The following KNDC1 variants were observed in gnomAD, a reference collection of about 807,000 sequenced individuals.
KNDC1 encodes kinase non-catalytic C-lobe domain-containing protein 1.
Under a neutral mutation model 172.8 loss-of-function variants are expected in KNDC1, and 106 were observed. The ratio of observed to expected loss-of-function variants is 0.61; its 90% CI spans 0.52 to 0.72. The LOEUF (loss-of-function observed/expected upper bound fraction) is 0.72, where lower values mean the gene tolerates loss of function less well. Ranked by LOEUF, KNDC1 falls within the 30% of genes least tolerant of loss-of-function variation. The pLI is 0.00. For synonymous variants in KNDC1, 1,083 were observed against 1,062.2 expected (o/e 1.02, Z -0.38); for missense variants, 2,325 against 2,394.5 (o/e 0.97, Z 0.61).
rs563239309 is a variant in KNDC1 at position 133,183,028 on chromosome 10, G to A, written c.361-316G>A. ...GCAAGGGCATGGGTGGCATGGGTGC[G>A]AGCAGCATGGGCGGCGTGGGTACAA... On this transcript the variant is annotated intron_variant, in intron 3 of 29. Transcript: ENST00000304613. Among the ~76,000 whole-genome samples, 5 of 148,438 alleles carry A rather than the reference G, an allele frequency of 3.4e-5. No individual in the cohort carries two copies. The South Asian group carries it at 8.8e-4, about 26-fold the overall frequency.
intron 1 of KNDC1, among the ~76,000 whole-genome samples, chr10:133,161,292 C>T (rs1044140429): frequency 1.6e-4 from 25 of 152,294 alleles, no homozygotes; most frequent in Admixed American, 1.3e-3. Flanking sequence ...GAGGGACCCT[C>T]ACCCTCCAGG....
chr10:133,219,879 GCGCTGGC>G, intron 28 of KNDC1, 69 bp from the exon 29 acceptor site: 1 of 1,432,702 alleles, frequency 7.0e-7, no homozygotes, highest in Non-Finnish European at 9.3e-7. Context: ...TGGTTGGGCT[GCGCTGGC>G]CCCGGCTGAG....
intron 26 of KNDC1, among the ~76,000 whole-genome samples, chr10:133,218,268 A>G (rs1293430637): frequency 6.6e-6 from 1 of 152,184 alleles, no homozygotes; most frequent in Non-Finnish European, 1.5e-5. Flanking sequence ...CAGAATAGGA[A>G]TCCTGCTGGG....
intron 26 of KNDC1, 98 bp from the exon 27 acceptor site, chr10:133,218,733 C>T (rs1845519585): frequency 2.7e-6 from 4 of 1,457,276 alleles, no homozygotes; most frequent in Non-Finnish European, 9.3e-7. Context: ...AGCACACGCT[C>T]TTGTGTCTTG....
Position 133,209,479 on chromosome 10 carries a change from T to G in KNDC1, c.3795-1132T>G, listed in dbSNP as rs917075044. Among the ~76,000 whole-genome samples, 1 of 150,262 alleles carries G rather than the reference T, an allele frequency of 6.7e-6. No individual in the cohort carries two copies. The highest frequency in any genetic ancestry group is 1.5e-5 in the Non-Finnish European group (1 of 67,114). The stretch of plus-strand genomic sequence containing the variant: ...GGGTATAGTGTGGCTTGTGTGCGCG[T>G]GTGTGGTGTGCGCGTCTGGTTGTGG... On this transcript the variant is annotated intron_variant, in intron 20 of 29. Transcript: ENST00000304613. This position sits in a 1 kb window ranked among gnomAD's most constrained non-coding sequence, Gnocchi z 4.9.
chr10:133,208,981 G>C (rs1845287182), intron 20 of KNDC1, among the ~76,000 whole-genome samples: 2 of 152,102 alleles, frequency 1.3e-5, no homozygotes, highest in African/African-American at 4.8e-5. Flanking sequence ...TGTGACATGT[G>C]TGCACGTGTG....
At chr10:133,165,583 G>A (rs1489746976) in intron 1 of KNDC1, among the ~76,000 whole-genome samples, 4 of 152,234 alleles carry the variant, frequency 2.6e-5, no homozygotes, top group African/African-American at 4.8e-5. Context: ...GTGCACGTCT[G>A]TGCCCGTGTT....
chr10:133,168,371 C>T (rs1853253466), intron 3 of KNDC1, 59 bp downstream of exon 3: 2 of 1,525,184 alleles, frequency 1.3e-6, no homozygotes, highest in Admixed American at 3.3e-5. Context: ...GTGGCCTCTG[C>T]CATTAACTCA....
chr10:133,203,583 C>T (rs1021972900), intron 17 of KNDC1, among the ~76,000 whole-genome samples: 1 of 152,238 alleles, frequency 6.6e-6, no homozygotes, highest in African/African-American at 2.4e-5. Context: ...CCTACTGGTG[C>T]CGGCCGTGTG....
rs747223657 is a variant in KNDC1, at chr10:133,183,964, C to T, written c.600C>T (p.Ser200=). 1 of 1,597,462 alleles carries T rather than the reference C, an allele frequency of 6.3e-7. No homozygotes were observed. The highest frequency in any genetic ancestry group is 1.1e-5 in the South Asian group (1 of 90,196). ...CTGCTGTGGGGAGGAGGGTCCTCTC[C>T]ATCGAGTCCTTCGGAGCGCTGCAGG... ...SLSAVGRRVL[S]IESFGALQDV... Residue 200 remains serine, a synonymous_variant, in exon 5 of 30, where the codon TCC becomes TCT. Coordinates refer to ENST00000304613, the MANE Select transcript of KNDC1 (RefSeq NM_152643.8).
In KNDC1 at chr10:133,169,131, T is replaced by C. The variant is rs1326164228; in HGVS notation, c.360+819T>C. Among the ~76,000 whole-genome samples the C allele has an allele frequency of 7.2e-5, 11 of 152,268 alleles. No homozygotes were observed. The East Asian group carries it at 2.1e-3, about 29-fold the overall frequency. ...CAAAGATCTTCCCAATAAAAGCCCA[T>C]CAGCTATGTCATGACCTTAAAATTT... On this transcript the variant is annotated intron_variant, in intron 3 of 29. Transcript: ENST00000304613.
At chr10:133,180,835 T>TA (rs1853696238) in intron 3 of KNDC1, among the ~76,000 whole-genome samples, 2 of 152,338 alleles carry the variant, frequency 1.3e-5, no homozygotes, top group Non-Finnish European at 2.9e-5. Flanking sequence ...TGCGAGTAGA[T>TA]ACGAACAGAT....
chr10:133,166,755 G>GC (rs386372891), intron 1 of KNDC1, among the ~76,000 whole-genome samples: 1 of 151,966 alleles, frequency 6.6e-6, no homozygotes, highest in Non-Finnish European at 1.5e-5. Flanking sequence ...GCATGGGGGG[G>GC]GTGTGGGTGT....
intron 12 of KNDC1, 152 bp from the exon 13 acceptor site, chr10:133,198,185 G>A (rs902572485): frequency 1.1e-6 from 1 of 939,942 alleles, no homozygotes; most frequent in Non-Finnish European, 1.5e-6. Context: ...TCCCATTCCA[G>A]GGCCCAGCAC....
At chr10:133,218,801 G>A (rs368151814) in intron 26 of KNDC1, 30 bp from the exon 27 acceptor site, 9 of 1,602,748 alleles carry the variant, frequency 5.6e-6, no homozygotes, top group African/African-American at 4.0e-5. Context: ...TAAACCAGAA[G>A]ACGCTGAATG....
At chr10:133,172,340 A>AT (rs547969611) in intron 3 of KNDC1, among the ~76,000 whole-genome samples, 195 of 151,974 alleles carry the variant, frequency 1.3e-3, no homozygotes, top group Non-Finnish European at 2.3e-3. Flanking sequence ...TGATCCTTTA[A>AT]TTTTTTCTTA....
At chr10:133,185,244 AGT>A (rs1229543948) in intron 5 of KNDC1, among the ~76,000 whole-genome samples, 3 of 148,850 alleles carry the variant, frequency 2.0e-5, no homozygotes, top group Non-Finnish European at 3.0e-5. Context: ...TGGAATAGGC[AGT>A]GTGTGCAGTG....
Position 133,207,271 on chromosome 10 carries a change from C to G in KNDC1, c.3714C>G (p.Asn1238Lys), listed in dbSNP as rs1250651196. ...ESSSLIFYNVNKHPGGRQKAR... is the reference protein window; with the variant it reads ...ESSSLIFYNVKKHPGGRQKAR... ...CCTCGCTCATCTTCTACAACGTCAA[C>G]AAGCACCCGGGCGGCCGGCAGAAGG... Residue 1238 changes from asparagine (N) to lysine (K), a missense_variant, in exon 20 of 30, where the codon AAC becomes AAG. By Grantham distance (94) the Asn-to-Lys change is moderately conservative. Transcript: ENST00000304613. The G allele has an allele frequency of 6.2e-7, 1 of 1,613,122 alleles. No homozygotes were observed. The highest frequency in any genetic ancestry group is 8.5e-7 in the Non-Finnish European group (1 of 1,179,990).
At chr10:133,184,390 ACACACG>A (rs1257102840) in intron 5 of KNDC1, among the ~76,000 whole-genome samples, 5 of 69,216 alleles carry the variant, frequency 7.2e-5, no homozygotes, top group Admixed American at 1.6e-4. Context: ...TGCTGCGCAC[ACACACG>A]CACACACGCA....
Sources: gnomAD v4.1 joint callset for allele counts (sites outside exome capture counted in the v4.1 genomes callset) on GRCh38, gnomAD v4.1.1 for gene constraint, Gnocchi (gnomAD v3.1) non-coding constraint, MANE v1.5 for transcripts, NCBI Gene and HGNC (gene_info 2026-07-23, HGNC 2026-07-21) for gene names.